KCND2: variants seen among roughly 807,000 people sequenced by gnomAD.
KCND2 encodes the protein potassium voltage-gated channel subfamily D member 2.
In KCND2, 16 loss-of-function variants were observed where a neutral mutation model predicts 54.4. The observed-to-expected ratio is 0.29, with a 90% CI of 0.20 to 0.45. KCND2 has a LOEUF of 0.45. KCND2 is among the 20% of genes least tolerant of loss of function. The pLI is 1.00. For missense variants in KCND2, 486 were observed against 824.2 expected (o/e 0.59, Z 5.02); for synonymous variants, 317 against 310.7 (o/e 1.02, Z -0.21).
chr7:120,288,962 T>G (rs1799389265), intron 1 of KCND2, among the ~76,000 whole-genome samples: 1 of 151,532 alleles, frequency 6.6e-6, no homozygotes. Context: ...TATCAACTGC[T>G]TGTAAGGCCT....
intron 1 of KCND2, among the ~76,000 whole-genome samples, chr7:120,316,798 T>C (rs1169057588): frequency 6.6e-6 from 1 of 151,956 alleles, no homozygotes; most frequent in East Asian, 1.9e-4. Context: ...GTACTTTATG[T>C]GAAGGAAAAA....
At chr7:120,313,996 A>G (rs1799777327) in intron 1 of KCND2, among the ~76,000 whole-genome samples, 1 of 151,946 alleles carries the variant, frequency 6.6e-6, no homozygotes, top group Non-Finnish European at 1.5e-5. Context: ...ACTTGCTTCA[A>G]AAAGAGTTCT....
At chr7:120,650,230 C>A (rs1791712459) in intron 1 of KCND2, among the ~76,000 whole-genome samples, 1 of 132,668 alleles carries the variant, frequency 7.5e-6, no homozygotes, top group African/African-American at 3.1e-5. Context: ...TGGTTCCATT[C>A]TCCCCGTCAC....
intron 1 of KCND2, among the ~76,000 whole-genome samples, chr7:120,296,254 G>T (rs73429983): frequency 0.021 from 3,246 of 152,084 alleles, 129 homozygotes; most frequent in African/African-American, 0.074. Context: ...ACTTTGGAAA[G>T]CTATGTTTTA....
intron 1 of KCND2, among the ~76,000 whole-genome samples, chr7:120,437,223 G>GTTTTT (rs1801880382): frequency 2.5e-5 from 2 of 80,726 alleles, no homozygotes; most frequent in Admixed American, 1.5e-4. Flanking sequence ...TTTTTTTTCA[G>GTTTTT]TCAGAATCTT....
At chr7:120,712,842 T>C (rs777248479) in intron 1 of KCND2, among the ~76,000 whole-genome samples, 14 of 152,160 alleles carry the variant, frequency 9.2e-5, no homozygotes, top group Non-Finnish European at 1.9e-4. Context: ...GAAAGACTTA[T>C]TTTCATCTGC....
chr7:120,358,028 A>G (rs940493592), intron 1 of KCND2, among the ~76,000 whole-genome samples: 2 of 152,160 alleles, frequency 1.3e-5, no homozygotes, highest in Non-Finnish European at 2.9e-5. Context: ...ATGGGTGTTC[A>G]GAAAATTGGA....
chr7:120,671,327 T>C lies in KCND2; in HGVS notation c.1116-61576T>C, dbSNP rs148751505. Among the ~76,000 whole-genome samples the C allele has an allele frequency of 2.4e-3, 370 of 152,176 alleles. 1 individual carries two copies. Among genetic ancestry groups the C allele is most frequent in the African/African-American group, 8.3e-3 (344 of 41,544 alleles). Reference sequence around the variant, plus strand: ...CCATACTGTGAGAATCTAATGCTGTTTCTGATTGGATAATCTGATTTGACA... The same window carrying C: ...CCATACTGTGAGAATCTAATGCTGTCTCTGATTGGATAATCTGATTTGACA... On this transcript the variant is annotated intron_variant, in intron 1 of 5. Coordinates refer to ENST00000331113, the MANE Select transcript of KCND2 (RefSeq NM_012281.3).
intron 1 of KCND2, among the ~76,000 whole-genome samples, chr7:120,559,447 G>A (rs1248897123): frequency 2.6e-5 from 4 of 152,284 alleles, no homozygotes; most frequent in East Asian, 1.9e-4. Flanking sequence ...GCAGATGAGC[G>A]AAGCTTCTGA....
chr7:120,549,882 C>G (rs1792085531), intron 1 of KCND2, among the ~76,000 whole-genome samples: 1 of 152,064 alleles, frequency 6.6e-6, no homozygotes, highest in Non-Finnish European at 1.5e-5. Flanking sequence ...TTAACCTCAG[C>G]TATTGTAGGT....
chr7:120,498,683 G>A (rs1802887702), intron 1 of KCND2, among the ~76,000 whole-genome samples: 4 of 151,980 alleles, frequency 2.6e-5, no homozygotes, highest in African/African-American at 7.3e-5. Flanking sequence ...GCTGAGGCAT[G>A]AGAATCGCTT....
intron 1 of KCND2, among the ~76,000 whole-genome samples, chr7:120,338,988 C>T (rs1800194949): frequency 6.6e-6 from 1 of 152,056 alleles, no homozygotes; most frequent in African/African-American, 2.4e-5. Context: ...TCACGCCATT[C>T]TCCTGCCTCA....
At chr7:120,397,987 GTGTGTGTGTATATATATATATATATATA>G (rs1416243857) in intron 1 of KCND2, among the ~76,000 whole-genome samples, 3 of 35,306 alleles carry the variant, frequency 8.5e-5, no homozygotes, top group African/African-American at 2.0e-4. Flanking sequence ...GTGTGTGTGT[GTGTGTGTGTATATATATATATATATATA>G]TATATATATA....
intron 1 of KCND2, among the ~76,000 whole-genome samples, chr7:120,614,661 T>C (rs1362558045): frequency 6.6e-6 from 1 of 152,236 alleles, no homozygotes; most frequent in African/African-American, 2.4e-5. Context: ...ACTAACCTAA[T>C]GTCTACCAAG....
chr7:120,394,570 C>A (rs983370822), intron 1 of KCND2, among the ~76,000 whole-genome samples: 1 of 151,852 alleles, frequency 6.6e-6, no homozygotes, highest in Middle Eastern at 3.2e-3. Flanking sequence ...AATCTTGTGG[C>A]CTTTCATTAG....
chr7:120,474,022 T>C (rs1802498906), intron 1 of KCND2, among the ~76,000 whole-genome samples: 1 of 152,196 alleles, frequency 6.6e-6, no homozygotes, highest in Admixed American at 6.5e-5. Flanking sequence ...GGTAATGTGA[T>C]CTAATGGTGC....
intron 1 of KCND2, among the ~76,000 whole-genome samples, chr7:120,615,399 A>T (rs1172261759): frequency 6.6e-6 from 1 of 152,192 alleles, no homozygotes; most frequent in Non-Finnish European, 1.5e-5. Flanking sequence ...TTATAAGACA[A>T]TTTCACATAT....
At chr7:120,470,989 G>A (rs1181081876) in intron 1 of KCND2, among the ~76,000 whole-genome samples, 1 of 151,752 alleles carries the variant, frequency 6.6e-6, no homozygotes, top group Non-Finnish European at 1.5e-5. Context: ...TCTGGGTGTG[G>A]GTAATATTAA....
At chr7:120,436,745 G>A (rs984331946) in intron 1 of KCND2, among the ~76,000 whole-genome samples, 1 of 152,020 alleles carries the variant, frequency 6.6e-6, no homozygotes, top group African/African-American at 2.4e-5. Flanking sequence ...CAGCCTCCTT[G>A]TCCTCATTCC....
Sources: allele counts gnomAD v4.1 joint callset (sites outside exome capture counted in the v4.1 genomes callset), GRCh38; gene constraint gnomAD v4.1.1; transcripts MANE v1.5; gene names NCBI Gene and HGNC (gene_info 2026-07-23, HGNC 2026-07-21).